Variants in TNFSF4 observed in about 807,000 individuals in gnomAD.
The protein encoded by TNFSF4 is TNF superfamily member 4.
A neutral mutation model predicts 7.3 loss-of-function variants in TNFSF4; 4 were observed. The ratio of observed to expected loss-of-function variants is 0.55; its 90% CI spans 0.27 to 1.25. The LOEUF (loss-of-function observed/expected upper bound fraction) is 1.25. TNFSF4 is among the 50% of genes most tolerant of loss of function. The pLI, the probability that TNFSF4 is intolerant of heterozygous loss-of-function variation, is 0.12. For synonymous variants in TNFSF4, 76 were observed against 83.7 expected (o/e 0.91, Z 0.50); for missense variants, 181 against 208.8 (o/e 0.87, Z 0.82).
the TNFSF4 span, among the ~76,000 whole-genome samples, chr1:173,260,713 A>T: frequency 6.6e-6 from 1 of 152,230 alleles, no homozygotes. Context: ...AACAGACTTT[A>T]AACCAACTAA....
chr1:173,296,177 G>A, the TNFSF4 span, among the ~76,000 whole-genome samples: 20 of 151,966 alleles, frequency 1.3e-4, no homozygotes, highest in Non-Finnish European at 1.2e-4. Context: ...TTTGAGACAA[G>A]TATGAGTTAG....
At chr1:173,214,811 C>T in the TNFSF4 span, among the ~76,000 whole-genome samples, 1 of 152,146 alleles carries the variant, frequency 6.6e-6, no homozygotes, top group South Asian at 2.1e-4. Context: ...TTCAATCCTC[C>T]TGCGAACACT....
chr1:173,324,770 C>A, the TNFSF4 span, among the ~76,000 whole-genome samples: 1 of 152,166 alleles, frequency 6.6e-6, no homozygotes, highest in East Asian at 1.9e-4. Context: ...ACAAAGAAGG[C>A]CATTACATAA....
the TNFSF4 span, among the ~76,000 whole-genome samples, chr1:173,404,634 AT>A: frequency 0.67 from 95,915 of 143,216 alleles, 31,457 homozygotes; most frequent in Middle Eastern, 0.7. Flanking sequence ...CCTGACTGCC[AT>A]TTTTTTTTTT....
chr1:173,353,125 G>C, the TNFSF4 span, among the ~76,000 whole-genome samples: 1 of 152,144 alleles, frequency 6.6e-6, no homozygotes, highest in Non-Finnish European at 1.5e-5. Flanking sequence ...TGAACAATTT[G>C]TGCAGTCAAC....
the TNFSF4 span, among the ~76,000 whole-genome samples, chr1:173,319,877 A>T: frequency 6.6e-6 from 1 of 152,238 alleles, no homozygotes; most frequent in Non-Finnish European, 1.5e-5. Context: ...TCAAAGGTAG[A>T]TAAATCCACA....
chr1:173,448,448 T>C, the TNFSF4 span, among the ~76,000 whole-genome samples: 7 of 152,108 alleles, frequency 4.6e-5, no homozygotes, highest in African/African-American at 9.7e-5. Flanking sequence ...GACCACCAAA[T>C]AGGCTTTGTG....
chr1:173,238,406 C>T, the TNFSF4 span, among the ~76,000 whole-genome samples: 1 of 152,116 alleles, frequency 6.6e-6, no homozygotes, highest in Non-Finnish European at 1.5e-5. Flanking sequence ...AAATGGGACC[C>T]TAAAGAAGCT....
chr1:173,411,924 C>G, the TNFSF4 span, among the ~76,000 whole-genome samples: 15 of 152,062 alleles, frequency 9.9e-5, no homozygotes, highest in Non-Finnish European at 1.9e-4. Flanking sequence ...TCGAGACTAG[C>G]CTGGCCAATA....
the TNFSF4 span, among the ~76,000 whole-genome samples, chr1:173,441,578 T>G: frequency 6.6e-6 from 1 of 152,124 alleles, no homozygotes; most frequent in Non-Finnish European, 1.5e-5. Context: ...GAGCCAAGAT[T>G]GAGCCACTGC....
rs141108369 is a variant in TNFSF4 at position 173,192,189 on chromosome 1, C to G, written c.154-3620G>C. Among the ~76,000 whole-genome samples the G allele has an allele frequency of 5.5e-4, 84 of 152,322 alleles. 1 individual carries two copies. The highest frequency in any genetic ancestry group is 9.6e-4 in the Non-Finnish European group (65 of 68,022). On this transcript the variant is annotated intron_variant, in intron 1 of 2. Coordinates refer to ENST00000281834, the MANE Select transcript of TNFSF4 (RefSeq NM_003326.5). ...TCTCTGCCCATTAAAATCTTACCATCTTCAAGGCCTAAATCAAATCCTTGA... is the reference window on the plus strand; with the variant it reads ...TCTCTGCCCATTAAAATCTTACCATGTTCAAGGCCTAAATCAAATCCTTGA...
At chr1:173,330,317 AT>A in the TNFSF4 span, among the ~76,000 whole-genome samples, 1 of 145,324 alleles carries the variant, frequency 6.9e-6, no homozygotes, top group African/African-American at 2.5e-5. Flanking sequence ...AATTGACAAT[AT>A]TAATGGTATA....
At chr1:173,344,215 T>C in the TNFSF4 span, among the ~76,000 whole-genome samples, 1 of 152,222 alleles carries the variant, frequency 6.6e-6, no homozygotes, top group Non-Finnish European at 1.5e-5. Flanking sequence ...GCCACAATCC[T>C]ACTGTGCTGA....
the TNFSF4 span, among the ~76,000 whole-genome samples, chr1:173,430,446 A>G: frequency 2.6e-5 from 4 of 152,212 alleles, no homozygotes; most frequent in Non-Finnish European, 5.9e-5. Flanking sequence ...ACATTTAATA[A>G]TCTTGTGGGT....
At chr1:173,428,224 C>T in the TNFSF4 span, among the ~76,000 whole-genome samples, 26 of 152,312 alleles carry the variant, frequency 1.7e-4, no homozygotes, top group South Asian at 4.4e-3. Context: ...GGATTACAGG[C>T]GTGAGCCACC....
At chr1:173,445,066 T>G in the TNFSF4 span, among the ~76,000 whole-genome samples, 4 of 152,240 alleles carry the variant, frequency 2.6e-5, no homozygotes, top group Non-Finnish European at 5.9e-5. Flanking sequence ...TCAGTCATTG[T>G]ATCTTGAGAG....
the TNFSF4 span, among the ~76,000 whole-genome samples, chr1:173,254,322 T>G: frequency 6.6e-6 from 1 of 152,194 alleles, no homozygotes; most frequent in Admixed American, 6.5e-5. Context: ...CAGTGGGTTT[T>G]GTAAGGTGGG....
the TNFSF4 span, among the ~76,000 whole-genome samples, chr1:173,328,566 C>G: frequency 2.7e-5 from 4 of 149,724 alleles, no homozygotes; most frequent in Admixed American, 2.7e-4. Flanking sequence ...TTACCCCCCC[C>G]CAAAAAAAAA....
At chr1:173,229,478 A>G in the TNFSF4 span, among the ~76,000 whole-genome samples, 5 of 152,244 alleles carry the variant, frequency 3.3e-5, no homozygotes, top group African/African-American at 1.2e-4. Context: ...CTGCAAAAAC[A>G]TGCCAAATTG....
Sources: gnomAD v4.1 joint callset for allele counts (sites outside exome capture counted in the v4.1 genomes callset) on GRCh38, gnomAD v4.1.1 for gene constraint, MANE v1.5 for transcripts, NCBI Gene and HGNC (gene_info 2026-07-23, HGNC 2026-07-21) for gene names.